Variants in NMT2 observed in about 807,000 individuals in gnomAD.
NMT2 encodes N-myristoyltransferase 2, also known as glycylpeptide N-tetradecanoyltransferase 2.
In NMT2, 35 loss-of-function variants were observed where a neutral mutation model predicts 65.4. That is an observed-to-expected ratio of 0.54 (90% CI 0.41 to 0.71). The LOEUF is 0.71. Among genes scored for constraint, NMT2 ranks in the 30% least tolerant of loss-of-function variants. The probability of loss-of-function intolerance (pLI) is 0.00; values close to 1 mark genes in which losing one functional copy is unlikely to be tolerated. For synonymous variants in NMT2, 226 were observed against 231.8 expected, an observed-to-expected ratio of 0.98 and a Z score of 0.23; for missense variants, 489 against 611.3, an observed-to-expected ratio of 0.80 and a Z score of 2.11.
At chr10:15,161,100 A>AAAAAAAAAAAC in intron 1 of NMT2, among the ~76,000 whole-genome samples, 1 of 149,238 alleles carries the variant, frequency 6.7e-6, no homozygotes, top group Admixed American at 6.7e-5. Flanking sequence ...AAAAAAAAAA[A>AAAAAAAAAAAC]AAAAAAAAAA....
At chr10:15,121,597 C>T (rs1389625034) in intron 8 of NMT2, among the ~76,000 whole-genome samples, 1 of 152,198 alleles carries the variant, frequency 6.6e-6, no homozygotes, top group Non-Finnish European at 1.5e-5. Flanking sequence ...GAATGCCTGA[C>T]CTCAGGTGAT....
chr10:15,142,159 G>GT (rs1266944146), intron 1 of NMT2, among the ~76,000 whole-genome samples: 1 of 152,184 alleles, frequency 6.6e-6, no homozygotes, highest in Non-Finnish European at 1.5e-5. Flanking sequence ...CTTTCCACTG[G>GT]TTATTCATGT....
chr10:15,112,662 A>T, intron 10 of NMT2, 134 bp downstream of exon 10: 1 of 815,746 alleles, frequency 1.2e-6, no homozygotes, highest in East Asian at 2.8e-5. Context: ...TCTTCCTTTG[A>T]CTGATGATCA....
chr10:15,117,010 T>C (rs1423843092), intron 9 of NMT2, among the ~76,000 whole-genome samples: 1 of 152,228 alleles, frequency 6.6e-6, no homozygotes, highest in African/African-American at 2.4e-5. Context: ...CAATTCTCAA[T>C]TTCTTCTAGA....
chr10:15,153,906 C>T (rs991390296), intron 1 of NMT2, among the ~76,000 whole-genome samples: 2 of 148,360 alleles, frequency 1.3e-5, no homozygotes, highest in African/African-American at 2.4e-5. Flanking sequence ...ACCCGCCTCG[C>T]CCCCCAAAGT....
rs998147280 is a variant in NMT2 at position 15,111,529 on chromosome 10, A to C, written c.1338+1267T>G. On this transcript the variant is annotated intron_variant, in intron 10 of 11. Transcript: ENST00000378165. ...CATCTCAAAAAAAAAAAAAAAAAAA[A>C]AAGTATAAAAAAATAGTATGTTTGC... Among the ~76,000 whole-genome samples the C allele has an allele frequency of 5.3e-5, 8 of 151,582 alleles. No individual in the cohort carries two copies. The East Asian group carries it at 1.4e-3, about 26-fold the overall frequency.
chr10:15,153,991 T>C (rs917477981), intron 1 of NMT2, among the ~76,000 whole-genome samples: 2 of 152,200 alleles, frequency 1.3e-5, no homozygotes, highest in Non-Finnish European at 2.9e-5. Flanking sequence ...CAGGTTGAGC[T>C]GCGTGGGCTC....
At chr10:15,132,599 G>A (rs541511750) in intron 6 of NMT2, among the ~76,000 whole-genome samples, 8 of 152,074 alleles carry the variant, frequency 5.3e-5, no homozygotes, top group Middle Eastern at 3.4e-3. Context: ...AACTAATTTT[G>A]TATTTTTAGT....
At chr10:15,121,263 T>C (rs979390375) in intron 8 of NMT2, among the ~76,000 whole-genome samples, 5 of 152,244 alleles carry the variant, frequency 3.3e-5, no homozygotes, top group African/African-American at 1.2e-4. Context: ...AAATTTTATA[T>C]AATCTAGCAG....
intron 8 of NMT2, among the ~76,000 whole-genome samples, chr10:15,125,391 GCTGATGA>G (rs1445119162): frequency 6.6e-6 from 1 of 152,162 alleles, no homozygotes. Context: ...AAATATTAAG[GCTGATGA>G]ATGGAGTCAA....
At chr10:15,127,300 C>T (rs1427512431) in intron 8 of NMT2, among the ~76,000 whole-genome samples, 2 of 146,780 alleles carry the variant, frequency 1.4e-5, no homozygotes, top group Non-Finnish European at 3.0e-5. Flanking sequence ...GTAATCCCAG[C>T]ATTATGGGAG....
At chr10:15,130,743 G>GA (rs1216354180) in intron 6 of NMT2, among the ~76,000 whole-genome samples, 4 of 98,724 alleles carry the variant, frequency 4.1e-5, no homozygotes, top group Non-Finnish European at 6.4e-5. Flanking sequence ...GAAAGAAAAA[G>GA]AAAAAAAAGA....
Position 15,108,635 on chromosome 10 carries a change from C to T in NMT2, c.*560G>A, listed in dbSNP as rs928930186. The T allele has an allele frequency of 6.1e-6, 6 of 987,628 alleles. No homozygotes were observed. The highest frequency in any genetic ancestry group is 7.2e-6 in the Non-Finnish European group (6 of 831,740). The allele number at this position is 987,628 out of a possible 1,614,324, so 61.2% of individuals were successfully genotyped here. A position where few individuals can be genotyped will look rare whatever the true frequency, so the allele number is the denominator to read the frequency against. ...GAAATACATGTACTAGTCACCAGTA[C>T]ATTTTAATATTGCTCTGCACTTAAA... On this transcript the variant is annotated 3_prime_UTR_variant, in exon 12 of 12. Transcript: ENST00000378165.
At chr10:15,136,289 G>GGA (rs1290317888) in intron 2 of NMT2, among the ~76,000 whole-genome samples, 5 of 146,626 alleles carry the variant, frequency 3.4e-5, no homozygotes, top group African/African-American at 5.1e-5. Flanking sequence ...GGGAAAGGAG[G>GGA]GAGAGAGAGA....
At chr10:15,147,941 TTA>T (rs1210555947) in intron 1 of NMT2, among the ~76,000 whole-genome samples, 1 of 152,242 alleles carries the variant, frequency 6.6e-6, no homozygotes, top group Non-Finnish European at 1.5e-5. Flanking sequence ...AAAAAAATTT[TTA>T]TGTTACAGAA....
Position 15,135,398 on chromosome 10 carries a change from C to A in NMT2, c.267G>T (p.Gln89His). The A allele has an allele frequency of 6.2e-7, 1 of 1,614,162 alleles. No individual in the cohort carries two copies. Among genetic ancestry groups the A allele is most frequent in the Non-Finnish European group, 8.5e-7 (1 of 1,180,020 alleles). ...TTGCTCTCTGGATATCCTGCAACTT[C>A]TGCATTGGAACACTGGGATTCTACG... ...QPSKNPSVPM[Q>H]KLQDIQRAME... The change falls in exon 3 of 12, where the codon CAG becomes CAT. Residue 89 changes from glutamine to histidine, a missense_variant. Gln to His is a conservative substitution (Grantham distance 24, BLOSUM62 0). Coordinates refer to ENST00000378165, the MANE Select transcript of NMT2 (RefSeq NM_004808.3).
chr10:15,137,968 G>A (rs1453210052), intron 2 of NMT2, among the ~76,000 whole-genome samples: 1 of 144,028 alleles, frequency 6.9e-6, no homozygotes, highest in African/African-American at 2.6e-5. Flanking sequence ...ATATCCCAAT[G>A]TTCACTATTT....
At chr10:15,136,407 CAGAG>C (rs983264029) in intron 2 of NMT2, among the ~76,000 whole-genome samples, 2 of 116,734 alleles carry the variant, frequency 1.7e-5, no homozygotes, top group Admixed American at 1.2e-4. Context: ...GGGGGAGAGA[CAGAG>C]AGGGAGAGGG....
In NMT2 at chr10:15,107,819, T is replaced by C; in HGVS notation, c.*1376A>G. 2 of 985,858 alleles carry C rather than the reference T, an allele frequency of 2.0e-6. No homozygotes were observed. Among genetic ancestry groups the C allele is most frequent in the Non-Finnish European group, 1.2e-6 (1 of 829,940 alleles). The allele number at this position is 985,858 out of a possible 1,614,324, so 61.1% of individuals were successfully genotyped here. On this transcript the variant is annotated 3_prime_UTR_variant, in exon 12 of 12. Transcript: ENST00000378165. The stretch of plus-strand genomic sequence containing the variant: ...ACGTGGCCTCGGTTAGCATCTTATT[T>C]TTCCCGCAGATTATTGGCAATATAA...
Sources: gnomAD v4.1 joint callset for allele counts (sites outside exome capture counted in the v4.1 genomes callset) on GRCh38, gnomAD v4.1.1 for gene constraint, MANE v1.5 for transcripts, NCBI Gene and HGNC (gene_info 2026-07-23, HGNC 2026-07-21) for gene names.